Variants in ATXN1 observed in about 807,000 individuals in gnomAD.
ATXN1 encodes the protein ataxin-1.
Under a neutral mutation model 56.4 loss-of-function variants are expected in ATXN1, and 8 were observed. The ratio of observed to expected loss-of-function variants is 0.14; its 90% CI spans 0.08 to 0.26. The LOEUF is 0.26. ATXN1 is among the 10% of genes least tolerant of loss of function. The probability of loss-of-function intolerance (pLI) is 1.00; values close to 1 mark genes in which losing one functional copy is unlikely to be tolerated. For synonymous variants in ATXN1, 514 were observed against 494.6 expected (o/e 1.04, Z -0.52); for missense variants, 987 against 1,106.5 (o/e 0.89, Z 1.53).
chr6:16,330,596 G>T (rs993081566), intron 6 of ATXN1, among the ~76,000 whole-genome samples: 3 of 151,488 alleles, frequency 2.0e-5, no homozygotes, highest in African/African-American at 7.3e-5. Context: ...TGCCATGTTG[G>T]CCAGGCTGGT....
intron 6 of ATXN1, among the ~76,000 whole-genome samples, chr6:16,442,887 C>G (rs1451332452): frequency 6.6e-6 from 1 of 152,170 alleles, no homozygotes; most frequent in Non-Finnish European, 1.5e-5. Context: ...TGGCGCACAC[C>G]TGTAATCCCA....
At chr6:16,399,728 G>C (rs1758529798) in intron 6 of ATXN1, among the ~76,000 whole-genome samples, 1 of 152,296 alleles carries the variant, frequency 6.6e-6, no homozygotes, top group South Asian at 2.1e-4. Context: ...CCAGCGCATA[G>C]AGGCCAGGAA....
At position 16,731,454 on chromosome 6, in the gene ATXN1, CTTTTTTTTT is replaced by C. The variant is rs71559655; in HGVS notation, c.-615+21770_-615+21778del. ...ACGAGAGAGGCTTTTTTTTTCTTTT[CTTTTTTTTT>C]TTTTTTTTTTTTTTTTTTTTAATAA... is the stretch of plus-strand genomic sequence containing the variant. On this transcript the variant is annotated intron_variant, in intron 2 of 7. Coordinates refer to ENST00000436367, the MANE Select transcript of ATXN1 (RefSeq NM_001128164.2). Among the ~76,000 whole-genome samples, 620 of 81,794 alleles carry C rather than the reference CTTTTTTTTT, an allele frequency of 7.6e-3. 5 individuals carry two copies. Among genetic ancestry groups the C allele is most frequent in the Middle Eastern group, 0.019 (2 of 104 alleles). 53.7% of individuals were successfully genotyped at this position (81,794 alleles called of 152,430 possible). A position where few individuals can be genotyped will look rare whatever the true frequency, so the allele number is the denominator to read the frequency against.
chr6:16,712,178 C>T (rs1156666708), intron 2 of ATXN1, among the ~76,000 whole-genome samples: 1 of 152,060 alleles, frequency 6.6e-6, no homozygotes, highest in East Asian at 1.9e-4. Context: ...GCGCTGTACG[C>T]TTAAGATGTG....
At chr6:16,726,645 A>T (rs2113477925) in intron 2 of ATXN1, among the ~76,000 whole-genome samples, 1 of 152,126 alleles carries the variant, frequency 6.6e-6, no homozygotes, top group East Asian at 1.9e-4. Context: ...CGGGTGGATC[A>T]CTTGAGGTCA....
intron 6 of ATXN1, among the ~76,000 whole-genome samples, chr6:16,356,724 A>G (rs1305226268): frequency 1.3e-5 from 2 of 152,226 alleles, no homozygotes; most frequent in Non-Finnish European, 2.9e-5. Context: ...TGGGTTATCC[A>G]GTTTTTAAAA....
intron 6 of ATXN1, among the ~76,000 whole-genome samples, chr6:16,354,677 C>T (rs942245250): frequency 6.6e-6 from 1 of 152,138 alleles, no homozygotes; most frequent in Non-Finnish European, 1.5e-5. Context: ...TAATTATCTA[C>T]ACTTTGAGGG....
chr6:16,458,449 T>C (rs1303520919), intron 6 of ATXN1, among the ~76,000 whole-genome samples: 5 of 152,174 alleles, frequency 3.3e-5, no homozygotes, highest in African/African-American at 1.2e-4. Flanking sequence ...TCCTAAAAGA[T>C]GTTTATTACC....
intron 2 of ATXN1, among the ~76,000 whole-genome samples, chr6:16,678,093 GA>G (rs1341080278): frequency 1.3e-5 from 2 of 151,828 alleles, no homozygotes; most frequent in Non-Finnish European, 2.9e-5. Flanking sequence ...AAAAAGAAGG[GA>G]AAAAAAAGTC....
intron 6 of ATXN1, among the ~76,000 whole-genome samples, chr6:16,395,918 G>A (rs1438549964): frequency 1.3e-5 from 2 of 150,308 alleles, no homozygotes; most frequent in Non-Finnish European, 2.9e-5. Flanking sequence ...GGGTGGCTGA[G>A]GCAGAAGAAT....
chr6:16,599,611 T>C (rs1762878259), intron 3 of ATXN1, among the ~76,000 whole-genome samples: 1 of 149,412 alleles, frequency 6.7e-6, no homozygotes, highest in African/African-American at 2.5e-5. Flanking sequence ...CTCAGGAGGG[T>C]GAGACAGGAG....
intron 6 of ATXN1, chr6:16,432,758 T>C (rs1759312494): frequency 6.6e-6 from 1 of 152,028 alleles, no homozygotes. Context: ...GACATTTGCT[T>C]ATAAACTATG....
At chr6:16,503,656 T>C (rs4716075) in intron 5 of ATXN1, among the ~76,000 whole-genome samples, 67,856 of 152,012 alleles carry the variant, frequency 0.45, 16,143 homozygotes, top group South Asian at 0.6. Flanking sequence ...CATAGTTATA[T>C]TCCAGCTTGG....
At position 16,320,239 on chromosome 6, in the gene ATXN1, G is replaced by A. The variant is rs909791288; in HGVS notation, c.1917+6155C>T. The stretch of plus-strand genomic sequence containing the variant: ...CACAGAAGTCAACCAAAAAATAGTA[G>A]AATGAAAGGAAAGCCATCGGTAGAC... On this transcript the variant is annotated intron_variant, in intron 7 of 7. Coordinates refer to ENST00000436367, the MANE Select transcript of ATXN1 (RefSeq NM_001128164.2). Among the ~76,000 whole-genome samples the A allele has an allele frequency of 5.3e-5, 8 of 152,226 alleles. 1 individual carries two copies. In the East Asian group the frequency reaches 1.4e-3, roughly 26 times the overall value.
At position 16,511,896 on chromosome 6, in the gene ATXN1, G is replaced by C. The variant is rs553599911; in HGVS notation, c.-299+10731C>G. Among the ~76,000 whole-genome samples, 33 of 152,318 alleles carry C rather than the reference G, an allele frequency of 2.2e-4. No individual in the cohort carries two copies. The South Asian group carries it at 3.9e-3, about 18-fold the overall frequency. ...AGTCCCAGGCCACCGCCCTGCCTTA[G>C]TGGGTGTCTTTGCCACGAGGTGGCC... On this transcript the variant is annotated intron_variant, in intron 5 of 7. Transcript: ENST00000436367.
At chr6:16,734,326 G>C (rs1448875576) in intron 2 of ATXN1, among the ~76,000 whole-genome samples, 1 of 152,108 alleles carries the variant, frequency 6.6e-6, no homozygotes, top group Non-Finnish European at 1.5e-5. Context: ...ATCCCCGCAA[G>C]GAACGCTCGC....
At chr6:16,403,319 C>T (rs1212275800) in intron 6 of ATXN1, among the ~76,000 whole-genome samples, 7 of 152,196 alleles carry the variant, frequency 4.6e-5, no homozygotes, top group Admixed American at 4.6e-4. Context: ...AGAGTTTATG[C>T]GTTTTCTAAG....
chr6:16,548,033 C>A (rs557886285), intron 4 of ATXN1, among the ~76,000 whole-genome samples: 2 of 152,236 alleles, frequency 1.3e-5, no homozygotes, highest in African/African-American at 4.8e-5. Flanking sequence ...GTGTGAACAT[C>A]GTAGAGTCTA....
At chr6:16,373,938 C>CT (rs1464353296) in intron 6 of ATXN1, among the ~76,000 whole-genome samples, 1 of 152,150 alleles carries the variant, frequency 6.6e-6, no homozygotes, top group Non-Finnish European at 1.5e-5. Context: ...AATGCTTTTC[C>CT]TATTGCTGAT....
Sources: gnomAD v4.1 joint callset for allele counts (sites outside exome capture counted in the v4.1 genomes callset) on GRCh38, gnomAD v4.1.1 for gene constraint, MANE v1.5 for transcripts, NCBI Gene and HGNC (gene_info 2026-07-23, HGNC 2026-07-21) for gene names.